KAT14: variants seen among roughly 807,000 people sequenced by gnomAD.
The protein encoded by KAT14 is cysteine-rich protein 2-binding protein.
Under a neutral mutation model 78.4 loss-of-function variants are expected in KAT14, and 66 were observed. The observed-to-expected ratio is 0.84, with a 90% CI of 0.69 to 1.03. The LOEUF (loss-of-function observed/expected upper bound fraction) is 1.03, where lower values mean the gene tolerates loss of function less well. Among genes scored for constraint, KAT14 ranks in the 50% least tolerant of loss-of-function variants. KAT14 has a pLI of 0.00. For missense variants in KAT14, 870 were observed against 972.5 expected (o/e 0.89, Z 1.40); for synonymous variants, 344 against 359.4 (o/e 0.96, Z 0.48).
intron 4 of KAT14, 109 bp from the exon 5 acceptor site, chr20:18,158,975 C>G (rs2038319580): frequency 1.5e-6 from 2 of 1,315,280 alleles, no homozygotes; most frequent in Admixed American, 3.1e-5. Context: ...CCTTCAGTAG[C>G]TGGAGGTGCC....
chr20:18,173,919 T>C (rs1393046731), intron 7 of KAT14, among the ~76,000 whole-genome samples: 1 of 152,184 alleles, frequency 6.6e-6, no homozygotes, highest in East Asian at 1.9e-4. Context: ...AGTTGAACCA[T>C]AATCAATTTT....
Position 18,181,890 on chromosome 20 carries a change from G to T in KAT14, c.1805+44G>T, listed in dbSNP as rs765060184. 6 of 1,605,742 alleles carry T rather than the reference G, an allele frequency of 3.7e-6. No individual in the cohort carries two copies. The African/African-American group carries it at 5.4e-5, about 14-fold the overall frequency. ...GTGTGATGTCAGGTGTGTCATGAGG[G>T]ATAATGATTGTGGTTTCTGTGCCCT... On this transcript the variant is annotated intron_variant, in intron 8 of 10. Coordinates refer to ENST00000688188, the MANE Select transcript of KAT14 (RefSeq NM_001392073.1).
At chr20:18,175,543 C>T (rs1365134984) in intron 7 of KAT14, among the ~76,000 whole-genome samples, 1 of 152,130 alleles carries the variant, frequency 6.6e-6, no homozygotes, top group Non-Finnish European at 1.5e-5. Context: ...TTTGCCTTCC[C>T]TCTCATGTCT....
In KAT14 at chr20:18,162,928, A is replaced by T; in HGVS notation, c.1651A>T (p.Ile551Phe). The T allele has an allele frequency of 6.2e-7, 1 of 1,614,036 alleles. No individual in the cohort carries two copies. The highest frequency in any genetic ancestry group is 8.5e-7 in the Non-Finnish European group (1 of 1,179,956). Reference sequence around the variant, plus strand: ...CAGAACCACCTGTCAGGACTTCAGAATCCTTGACCGATACCAGGTGAATGC... The same window carrying T: ...CAGAACCACCTGTCAGGACTTCAGATTCCTTGACCGATACCAGGTGAATGC... ...TYRTTCQDFR[I>F]LDRYQTSLPS... The change falls in exon 7 of 11, where the codon ATC (isoleucine) becomes TTC (phenylalanine). Residue 551 changes from isoleucine to phenylalanine, a missense_variant. Transcript: ENST00000688188.
At chr20:18,184,502 T>TTTA in intron 9 of KAT14, 100 bp from the exon 10 acceptor site, 1 of 1,095,264 alleles carries the variant, frequency 9.1e-7, no homozygotes, top group Non-Finnish European at 1.2e-6. Flanking sequence ...TTTTTTTTTT[T>TTTA]TAGCATGCAG....
intron 5 of KAT14, among the ~76,000 whole-genome samples, chr20:18,161,191 A>C (rs2038407465): frequency 6.6e-6 from 1 of 151,040 alleles, no homozygotes. Flanking sequence ...AAAAAAAAGT[A>C]CCCATTGAAA....
chr20:18,182,508 A>T (rs1048614222), intron 8 of KAT14, among the ~76,000 whole-genome samples: 1 of 152,242 alleles, frequency 6.6e-6, no homozygotes, highest in Non-Finnish European at 1.5e-5. Flanking sequence ...TTGAGCCTCC[A>T]TCTGGACTGG....
At chr20:18,149,173 AATT>A (rs1179745702) in intron 3 of KAT14, among the ~76,000 whole-genome samples, 1 of 152,234 alleles carries the variant, frequency 6.6e-6, no homozygotes, top group Non-Finnish European at 1.5e-5. Flanking sequence ...GATTTTCTTA[AATT>A]ATTTATTGAG....
chr20:18,175,023 C>A (rs190974057), intron 7 of KAT14, among the ~76,000 whole-genome samples: 100 of 151,936 alleles, frequency 6.6e-4, no homozygotes, highest in East Asian at 3.5e-3. Context: ...GAGCTCATAC[C>A]CCCTTAGTGT....
chr20:18,172,603 A>G (rs1355436644), intron 7 of KAT14, among the ~76,000 whole-genome samples: 1 of 151,812 alleles, frequency 6.6e-6, no homozygotes, highest in African/African-American at 2.4e-5. Context: ...GACACCAAAA[A>G]CTTGTGCAGC....
chr20:18,146,164 A>C (rs946861160), intron 3 of KAT14, among the ~76,000 whole-genome samples: 3 of 152,222 alleles, frequency 2.0e-5, no homozygotes, highest in Admixed American at 2.0e-4. Flanking sequence ...GGTTGTATTA[A>C]ATTGTTTTAG....
At chr20:18,148,147 T>A (rs2037892661) in intron 3 of KAT14, among the ~76,000 whole-genome samples, 1 of 152,234 alleles carries the variant, frequency 6.6e-6, no homozygotes, top group Non-Finnish European at 1.5e-5. Context: ...ATGTGGGTTT[T>A]CCGTCTTTAA....
At chr20:18,178,331 T>A (rs1600238731) in intron 7 of KAT14, among the ~76,000 whole-genome samples, 1 of 152,142 alleles carries the variant, frequency 6.6e-6, no homozygotes, top group East Asian at 1.9e-4. Context: ...TCCACGGGAA[T>A]CCACGGGAGT....
chr20:18,172,921 T>C (rs2038897883), intron 7 of KAT14, among the ~76,000 whole-genome samples: 1 of 152,206 alleles, frequency 6.6e-6, no homozygotes, highest in Non-Finnish European at 1.5e-5. Flanking sequence ...TCAGTCTTTT[T>C]TGAGCCTGTG....
Position 18,162,696 on chromosome 20 carries a change from G to T in KAT14, c.1419G>T (p.Arg473Ser). 4.3e-6 allele frequency: 7 copies of T among 1,614,218 alleles called. No individual in the cohort carries two copies. The highest frequency in any genetic ancestry group is 5.9e-6 in the Non-Finnish European group (7 of 1,180,044). ...SIYEEKLLLK[R>S]LEACPGAVAM... Reference sequence around the variant, plus strand: ...ACGAGGAAAAGCTGCTGCTCAAGAGGCTGGAAGCTTGTCCCGGTGCTGTTG... The same window carrying T: ...ACGAGGAAAAGCTGCTGCTCAAGAGTCTGGAAGCTTGTCCCGGTGCTGTTG... The change falls in exon 7 of 11, where the codon AGG (arginine) becomes AGT (serine). Residue 473 changes from arginine to serine, a missense_variant. By Grantham distance (110) the Arg-to-Ser change is moderately radical. Transcript: ENST00000688188.
rs201185640 is a variant in KAT14, at chr20:18,162,514, G to A, written c.1237G>A (p.Val413Ile). The A allele has an allele frequency of 1.2e-6, 2 of 1,614,050 alleles. No individual in the cohort carries two copies. The highest frequency in any genetic ancestry group is 2.7e-5 in the African/African-American group (2 of 74,914). The change falls in exon 7 of 11, where the codon GTA (valine) becomes ATA (isoleucine). Residue 413 changes from valine (V) to isoleucine (I), a missense_variant. Physicochemically the swap from Val to Ile is conservative, Grantham distance 29. Coordinates refer to ENST00000688188, the MANE Select transcript of KAT14 (RefSeq NM_001392073.1). ...AGGCCCTGAACAGATAAAGCAGGAG[G>A]TAGAGAGTGAGGAGGAAAAACCCGA... ...VRGPEQIKQEVESEEEKPDRM... is the reference protein window; with the variant it reads ...VRGPEQIKQEIESEEEKPDRM...
intron 4 of KAT14, among the ~76,000 whole-genome samples, chr20:18,153,655 T>A (rs935012347): frequency 6.6e-6 from 1 of 152,366 alleles, no homozygotes; most frequent in African/African-American, 2.4e-5. Flanking sequence ...GCCTTATTTC[T>A]TTTTAACATG....
At chr20:18,175,937 G>A (rs1176695197) in intron 7 of KAT14, among the ~76,000 whole-genome samples, 1 of 150,886 alleles carries the variant, frequency 6.6e-6, no homozygotes, top group Non-Finnish European at 1.5e-5. Flanking sequence ...TGAGCTAGGA[G>A]GTCAAGGCTG....
intron 7 of KAT14, among the ~76,000 whole-genome samples, chr20:18,168,419 T>C (rs1335718122): frequency 6.6e-6 from 1 of 152,098 alleles, no homozygotes; most frequent in African/African-American, 2.4e-5. Context: ...TCCCAGCTGC[T>C]TGGGAGGCTG....
Sources: allele counts gnomAD v4.1 joint callset (sites outside exome capture counted in the v4.1 genomes callset), GRCh38; gene constraint gnomAD v4.1.1; transcripts MANE v1.5; gene names NCBI Gene and HGNC (gene_info 2026-07-23, HGNC 2026-07-21).